The following CYP27A1 variants were observed in gnomAD, a reference collection of about 807,000 sequenced individuals.
CYP27A1 encodes the protein cytochrome P450 family 27 subfamily A member 1.
A neutral mutation model predicts 58.2 loss-of-function variants in CYP27A1; 46 were observed. That is an observed-to-expected ratio of 0.79 (90% CI 0.62 to 1.01). The LOEUF is 1.01. CYP27A1 is among the 50% of genes least tolerant of loss of function. The pLI is 0.00. For synonymous variants in CYP27A1, 274 were observed against 285.1 expected, an observed-to-expected ratio of 0.96 and a Z score of 0.39; for missense variants, 704 against 687.0, an observed-to-expected ratio of 1.02 and a Z score of -0.28.
chr2:218,814,480 G>T (rs761469812), intron 7 of CYP27A1, 22 bp downstream of exon 7: 3 of 1,613,478 alleles, frequency 1.9e-6, no homozygotes, highest in Non-Finnish European at 2.5e-6. Flanking sequence ...TAGAGAGCCC[G>T]ATTGCCCAGG....
chr2:218,814,081 GC>G lies in CYP27A1; in HGVS notation c.1080del (p.Leu361CysfsTer47). 6.2e-7 allele frequency: 1 copy of G among 1,614,254 alleles called. No homozygotes were observed. Among genetic ancestry groups the G allele is most frequent in the Non-Finnish European group, 8.5e-7 (1 of 1,180,038 alleles). ...CTCAAAGGACCCTGAGATCCAGGAG[GC>G]CTTGCACGAGGAAGTGGTGGGTGTG... ...HLSKDPEIQE[A>X]LHEEVVGVVP... On this transcript the variant is annotated frameshift_variant, in exon 6 of 9. Transcript: ENST00000258415. LOFTEE classifies it high-confidence loss of function.
chr2:218,809,990 A>G lies in CYP27A1; in HGVS notation c.446+223A>G, dbSNP rs115054657. Among the ~76,000 whole-genome samples the G allele has an allele frequency of 0.015, 2,257 of 152,312 alleles. 33 individuals carry two copies. The highest frequency in any genetic ancestry group is 0.04 in the South Asian group (195 of 4,824). On this transcript the variant is annotated intron_variant, in intron 2 of 8. Coordinates refer to ENST00000258415, the MANE Select transcript of CYP27A1 (RefSeq NM_000784.4). Reference sequence around the variant, plus strand: ...TGGTGCAAAAGTCATTGTGGTTTTCACCATTTAAAATTATGGCAAAAACCA... The same window carrying G: ...TGGTGCAAAAGTCATTGTGGTTTTCGCCATTTAAAATTATGGCAAAAACCA...
At chr2:218,796,974 G>A (rs1462740491) in intron 1 of CYP27A1, among the ~76,000 whole-genome samples, 1 of 152,180 alleles carries the variant, frequency 6.6e-6, no homozygotes, top group African/African-American at 2.4e-5. Flanking sequence ...TTTCGAAAAG[G>A]AGTAAAACAA....
chr2:218,812,668 A>T lies in CYP27A1; in HGVS notation c.763A>T (p.Thr255Ser). Residue 255 changes from threonine to serine, a missense_variant, in exon 4 of 9, where the codon ACC becomes TCC. By Grantham distance (58) the Thr-to-Ser change is moderately conservative. Transcript: ENST00000258415. ...GLMFQNSLYA[T>S]FLPKWTRPVL... ...AATGTTCCAGAACTCACTCTATGCCACCTTCCTCCCCAAGTGGACTCGCCC... is the reference window on the plus strand; with the variant it reads ...AATGTTCCAGAACTCACTCTATGCCTCCTTCCTCCCCAAGTGGACTCGCCC... 1 of 1,614,122 alleles carries T rather than the reference A, an allele frequency of 6.2e-7. No homozygotes were observed. Among genetic ancestry groups the T allele is most frequent in the East Asian group, 2.2e-5 (1 of 44,882 alleles).
At chr2:218,804,928 G>A (rs1246030026) in intron 1 of CYP27A1, among the ~76,000 whole-genome samples, 1 of 152,196 alleles carries the variant, frequency 6.6e-6, no homozygotes, top group African/African-American at 2.4e-5. Flanking sequence ...TCTGATGAGG[G>A]CTGTCTTCCT....
intron 1 of CYP27A1, among the ~76,000 whole-genome samples, chr2:218,796,202 A>T (rs1943546474): frequency 6.6e-6 from 1 of 152,190 alleles, no homozygotes; most frequent in South Asian, 2.1e-4. Context: ...CTTTCTAGTC[A>T]AAGCCTTGGT....
At chr2:218,812,030 C>A (rs77127330) in intron 2 of CYP27A1, among the ~76,000 whole-genome samples, 192 bp from the exon 3 acceptor site, 3 of 152,106 alleles carry the variant, frequency 2.0e-5, no homozygotes, top group Non-Finnish European at 4.4e-5. Context: ...TCTGCTATAG[C>A]GAGATTCTGG....
intron 2 of CYP27A1, among the ~76,000 whole-genome samples, chr2:218,810,045 G>A (rs1268938749): frequency 2.0e-5 from 3 of 152,184 alleles, no homozygotes; most frequent in Non-Finnish European, 1.5e-5. Flanking sequence ...TTGGGAGGCT[G>A]AGGTGGGCGG....
At chr2:218,812,838 A>G in intron 4 of CYP27A1, 86 bp from the exon 5 acceptor site, 1 of 1,606,678 alleles carries the variant, frequency 6.2e-7, no homozygotes. Context: ...CTTTTCCCTC[A>G]TGCTACCAGT....
Position 218,810,162 on chromosome 2 carries a change from C to A in CYP27A1, c.446+395C>A, listed in dbSNP as rs539072574. On this transcript the variant is annotated intron_variant, in intron 2 of 8. Transcript: ENST00000258415. ...GGTGTGGTGGTGGGCACCTGTAATC[C>A]CAGCTACTTGGGAGGCTGAGGCAGG... Among the ~76,000 whole-genome samples, 44 of 152,096 alleles carry A rather than the reference C, an allele frequency of 2.9e-4. No individual in the cohort carries two copies. The South Asian group carries it at 8.3e-3, about 29-fold the overall frequency.
At chr2:218,800,299 A>C (rs1317307523) in intron 1 of CYP27A1, among the ~76,000 whole-genome samples, 1 of 152,138 alleles carries the variant, frequency 6.6e-6, no homozygotes, top group Non-Finnish European at 1.5e-5. Context: ...GGCTGAGTCC[A>C]AGCCTTTGTT....
Position 218,812,287 on chromosome 2 carries a change from C to G in CYP27A1, c.512C>G (p.Ala171Gly), listed in dbSNP as rs1299987856. 2 of 1,614,094 alleles carry G rather than the reference C, an allele frequency of 1.2e-6. No homozygotes were observed. The highest frequency in any genetic ancestry group is 1.7e-6 in the Non-Finnish European group (2 of 1,180,024). The change falls in exon 3 of 9, where the codon GCA becomes GGA. Residue 171 changes from alanine (A) to glycine (G), a missense_variant. Coordinates refer to ENST00000258415, the MANE Select transcript of CYP27A1 (RefSeq NM_000784.4). ...CAGCGGTTGCTGAAGCCAGCGGAAG[C>G]AGCGCTCTATACGGATGCTTTCAAT... is the stretch of plus-strand genomic sequence containing the variant. Reference protein sequence around the residue: ...LNQRLLKPAEAALYTDAFNEV... With the variant: ...LNQRLLKPAEGALYTDAFNEV...
rs777432192 is a variant in CYP27A1 at position 218,814,675 on chromosome 2, G to T, written c.1394G>T (p.Gly465Val). The T allele has an allele frequency of 5.6e-6, 9 of 1,614,118 alleles. No homozygotes were observed. Among genetic ancestry groups the T allele is most frequent in the Non-Finnish European group, 7.6e-6 (9 of 1,180,050 alleles). ...PATPRIQHPFGSVPFGYGVRA... is the reference protein window; with the variant it reads ...PATPRIQHPFVSVPFGYGVRA... Reference sequence around the variant, plus strand: ...ACCCCCAGGATCCAGCACCCATTTGGCTCTGTGCCCTTTGGCTATGGGGTC... The same window carrying T: ...ACCCCCAGGATCCAGCACCCATTTGTCTCTGTGCCCTTTGGCTATGGGGTC... Residue 465 changes from glycine to valine, a missense_variant, in exon 8 of 9, where the codon GGC becomes GTC. Physicochemically the swap from Gly to Val is moderately radical, Grantham distance 109. Transcript: ENST00000258415.
chr2:218,791,083 G>C lies in CYP27A1; in HGVS notation c.255+8646G>C, dbSNP rs943823889. Among the ~76,000 whole-genome samples, 10 of 152,084 alleles carry C rather than the reference G, an allele frequency of 6.6e-5. 1 individual carries two copies. Among genetic ancestry groups the C allele is most frequent in the Admixed American group, 5.9e-4 (9 of 15,260 alleles). ...ACACCTGACTTCAAGTGATCCAACC[G>C]CCTCGGCCTCCCAAAGTACTGGGAT... On this transcript the variant is annotated intron_variant, in intron 1 of 8. Transcript: ENST00000258415.
intron 1 of CYP27A1, among the ~76,000 whole-genome samples, chr2:218,793,717 CTTTT>C (rs1221205899): frequency 7.1e-6 from 1 of 140,800 alleles, no homozygotes. Context: ...GTTTCTCTTT[CTTTT>C]TTTTTTTTTT....
intron 2 of CYP27A1, among the ~76,000 whole-genome samples, chr2:218,811,844 C>T (rs1461972271): frequency 1.3e-5 from 2 of 152,326 alleles, no homozygotes; most frequent in Admixed American, 6.5e-5. Flanking sequence ...GAGCTAAGCA[C>T]TTGAATGATG....
chr2:218,809,784 A>AG lies in CYP27A1; in HGVS notation c.446+20dup. On this transcript the variant is annotated intron_variant, in intron 2 of 8. Transcript: ENST00000258415. ...GTTCACCACGTGAGCTGGGGCCTGA[A>AG]GGGACTGGAACAGGGCCCCAGAGGG... The AG allele has an allele frequency of 1.2e-6, 2 of 1,610,412 alleles. No individual in the cohort carries two copies. Among genetic ancestry groups the AG allele is most frequent in the Non-Finnish European group, 1.7e-6 (2 of 1,177,458 alleles).
At chr2:218,786,234 A>G (rs1022442294) in intron 1 of CYP27A1, among the ~76,000 whole-genome samples, 1 of 152,160 alleles carries the variant, frequency 6.6e-6, no homozygotes, top group African/African-American at 2.4e-5. Flanking sequence ...AGCCCACGAT[A>G]GTGGCCAGGT....
rs919757262 is a variant in CYP27A1, at chr2:218,782,826, A to G, written c.255+389A>G. Among the ~76,000 whole-genome samples the G allele has an allele frequency of 1.3e-5, 2 of 152,198 alleles. No individual in the cohort carries two copies. Among genetic ancestry groups the G allele is most frequent in the East Asian group, 1.9e-4 (1 of 5,194 alleles). On this transcript the variant is annotated intron_variant, in intron 1 of 8. Transcript: ENST00000258415. This position sits in a 1 kb window ranked among gnomAD's most constrained non-coding sequence, Gnocchi z 4.1. ...CTACCACAGACTTCTTCCAAACGAA[A>G]TAACTTCAGGAGGATTATAGAAACC...
Sources: allele counts gnomAD v4.1 joint callset (sites outside exome capture counted in the v4.1 genomes callset), GRCh38; gene constraint gnomAD v4.1.1; non-coding constraint Gnocchi (gnomAD v3.1); transcripts MANE v1.5; gene names NCBI Gene and HGNC (gene_info 2026-07-23, HGNC 2026-07-21).